The following SUGCT variants were observed in gnomAD, a reference collection of about 807,000 sequenced individuals.
SUGCT encodes the protein succinyl-CoA:glutarate CoA-transferase.
SUGCT carries 41 observed loss-of-function variants against 55.0 expected under a neutral mutation model. The observed-to-expected ratio is 0.74, with a 90% CI of 0.58 to 0.97. SUGCT has a LOEUF of 0.97. Among genes scored for constraint, SUGCT ranks in the 50% least tolerant of loss-of-function variants. The probability of loss-of-function intolerance (pLI) is 0.00; values close to 1 mark genes in which losing one functional copy is unlikely to be tolerated. For missense variants in SUGCT, 568 were observed against 547.8 expected (o/e 1.04, Z -0.37); for synonymous variants, 187 against 200.4 (o/e 0.93, Z 0.56).
the SUGCT span, among the ~76,000 whole-genome samples, chr7:40,875,624 C>T: frequency 1.6e-3 from 239 of 152,316 alleles, 1 homozygote; most frequent in Middle Eastern, 3.4e-3. Flanking sequence ...AGGCAATAAC[C>T]AGTTGCAAGT....
intron 8 of SUGCT, among the ~76,000 whole-genome samples, chr7:40,307,946 C>A (rs1409028768): frequency 6.6e-6 from 1 of 152,112 alleles, no homozygotes; most frequent in Non-Finnish European, 1.5e-5. Flanking sequence ...GAGGCGAGGT[C>A]AAATTTTTCT....
At chr7:40,708,739 C>T (rs1406802770) in intron 12 of SUGCT, among the ~76,000 whole-genome samples, 1 of 152,176 alleles carries the variant, frequency 6.6e-6, no homozygotes. Flanking sequence ...TTCCTTACTG[C>T]AGTCACTGCT....
chr7:41,017,498 C>T, the SUGCT span, among the ~76,000 whole-genome samples: 3 of 152,176 alleles, frequency 2.0e-5, no homozygotes, highest in East Asian at 1.9e-4. Flanking sequence ...AGGCCGGGTG[C>T]GGTGGCTCAC....
At position 40,798,272 on chromosome 7, in the gene SUGCT, A is replaced by G. The variant is rs1790644529; in HGVS notation, c.1153+48775A>G. Among the ~76,000 whole-genome samples, 4 of 152,276 alleles carry G rather than the reference A, an allele frequency of 2.6e-5. No homozygotes were observed. The South Asian group carries it at 8.3e-4, about 32-fold the overall frequency. On this transcript the variant is annotated intron_variant, in intron 13 of 13. Coordinates refer to ENST00000335693, the MANE Select transcript of SUGCT (RefSeq NM_001193313.2). The stretch of plus-strand genomic sequence containing the variant: ...CCCCTTGCAAAAACTTGGTTCAATA[A>G]ATGTACTTGTTGAATAAATGATTGT...
intron 13 of SUGCT, among the ~76,000 whole-genome samples, chr7:40,829,039 A>G (rs971464116): frequency 5.9e-5 from 9 of 152,204 alleles, no homozygotes. Flanking sequence ...AAACCAGCGG[A>G]TAGCAACAAA....
At chr7:40,251,802 A>G (rs944484372) in intron 7 of SUGCT, among the ~76,000 whole-genome samples, 4 of 152,078 alleles carry the variant, frequency 2.6e-5, no homozygotes, top group Admixed American at 6.6e-5. Context: ...TTGGTGAGGA[A>G]GGAGCAGTGA....
intron 9 of SUGCT, among the ~76,000 whole-genome samples, chr7:40,407,205 G>T (rs898885398): frequency 6.6e-6 from 1 of 151,966 alleles, no homozygotes; most frequent in Non-Finnish European, 1.5e-5. Flanking sequence ...AAATTTTGCC[G>T]TTCACGTATC....
chr7:40,666,387 G>A (rs1319154307), intron 12 of SUGCT, among the ~76,000 whole-genome samples: 2 of 140,420 alleles, frequency 1.4e-5, no homozygotes, highest in Non-Finnish European at 3.1e-5. Context: ...AGGAAGGAAG[G>A]AAGGAAAGAA....
intron 13 of SUGCT, among the ~76,000 whole-genome samples, chr7:40,854,522 T>C (rs1159004742): frequency 6.6e-6 from 1 of 151,610 alleles, no homozygotes; most frequent in Non-Finnish European, 1.5e-5. Context: ...GGCTTCTATA[T>C]TTTACTGCAG....
chr7:40,244,162 G>C (rs1268298026), intron 7 of SUGCT, among the ~76,000 whole-genome samples: 1 of 152,204 alleles, frequency 6.6e-6, no homozygotes, highest in Admixed American at 6.5e-5. Context: ...GACTGAGCGA[G>C]ACTCTGTCTC....
At chr7:40,500,345 T>A (rs7784279) in intron 12 of SUGCT, among the ~76,000 whole-genome samples, 45,726 of 151,886 alleles carry the variant, frequency 0.3, 9,387 homozygotes, top group African/African-American at 0.58. Context: ...ACTTCTGAGA[T>A]CTATTGGGAG....
intron 12 of SUGCT, among the ~76,000 whole-genome samples, chr7:40,565,495 C>T (rs1031718677): frequency 2.2e-4 from 34 of 152,138 alleles, no homozygotes; most frequent in African/African-American, 7.5e-4. Context: ...TTCAACAAAT[C>T]TTTATTGCAC....
intron 7 of SUGCT, among the ~76,000 whole-genome samples, chr7:40,257,216 G>A (rs977472570): frequency 3.3e-5 from 5 of 151,890 alleles, no homozygotes; most frequent in African/African-American, 1.2e-4. Flanking sequence ...GCAAATTTTT[G>A]TATTCTATTT....
intron 12 of SUGCT, among the ~76,000 whole-genome samples, chr7:40,639,605 C>T (rs1258924695): frequency 2.7e-5 from 4 of 149,508 alleles, no homozygotes; most frequent in Admixed American, 6.7e-5. Context: ...ACCTCCACTT[C>T]GTGGGTTCAA....
the SUGCT span, among the ~76,000 whole-genome samples, chr7:41,003,888 A>G: frequency 6.6e-6 from 1 of 152,200 alleles, no homozygotes; most frequent in Non-Finnish European, 1.5e-5. Context: ...ATATAATGCG[A>G]TTGAAATCTC....
At chr7:40,894,391 C>G in the SUGCT span, among the ~76,000 whole-genome samples, 2 of 152,140 alleles carry the variant, frequency 1.3e-5, no homozygotes, top group Non-Finnish European at 2.9e-5. Flanking sequence ...AAATACCATT[C>G]TGGACATAGG....
chr7:40,872,589 T>A, the SUGCT span, among the ~76,000 whole-genome samples: 1 of 152,140 alleles, frequency 6.6e-6, no homozygotes, highest in Non-Finnish European at 1.5e-5. Context: ...CTCTGATGAG[T>A]CAGGGGCTCT....
At chr7:40,932,806 T>G in the SUGCT span, among the ~76,000 whole-genome samples, 1 of 151,698 alleles carries the variant, frequency 6.6e-6, no homozygotes, top group African/African-American at 2.4e-5. Flanking sequence ...TCCCTCCCTT[T>G]ATTTTGAGCC....
At chr7:40,164,203 C>G (rs1002065641) in intron 1 of SUGCT, among the ~76,000 whole-genome samples, 4 of 151,192 alleles carry the variant, frequency 2.6e-5, no homozygotes, top group Admixed American at 2.0e-4. Context: ...GGCTTGCTTA[C>G]TGCAACCTTC....
Sources: gnomAD v4.1 joint callset for allele counts (sites outside exome capture counted in the v4.1 genomes callset) on GRCh38, gnomAD v4.1.1 for gene constraint, MANE v1.5 for transcripts, NCBI Gene and HGNC (gene_info 2026-07-23, HGNC 2026-07-21) for gene names.